The following HEATR5A variants were observed in gnomAD, a reference collection of about 807,000 sequenced individuals.
HEATR5A encodes HEAT repeat-containing protein 5A.
HEATR5A carries 178 observed loss-of-function variants against 218.8 expected under a neutral mutation model. That is an observed-to-expected ratio of 0.81 (90% CI 0.72 to 0.92). The LOEUF is 0.92. Among genes scored for constraint, HEATR5A ranks in the 40% least tolerant of loss-of-function variants. HEATR5A has a pLI of 0.00. For synonymous variants in HEATR5A, 864 were observed against 871.6 expected (o/e 0.99, Z 0.15); for missense variants, 2,420 against 2,418.9 (o/e 1.00, Z -0.01).
In HEATR5A at chr14:31,349,951, C is replaced by A; in HGVS notation, c.2546G>T (p.Gly849Val). ...GGCAAATCTTTTCATTTCTTCTGGA[C>A]CTAAACATCCCTTGGAGCCAGCCAC... The part of the protein sequence containing the change: ...KYVAGSKGCL[G>V]PEEMKRFALT... Residue 849 changes from glycine to valine, a missense_variant, in exon 18 of 36, where the codon GGT (glycine) becomes GTT (valine). Gly to Val is a moderately radical substitution (Grantham distance 109, BLOSUM62 -3). Coordinates refer to ENST00000543095, the MANE Select transcript of HEATR5A (RefSeq NM_015473.4). 6.3e-7 allele frequency: 1 copy of A among 1,593,676 alleles called. No homozygotes were observed. Among genetic ancestry groups the A allele is most frequent in the Non-Finnish European group, 8.6e-7 (1 of 1,169,502 alleles).
rs1281091388 is a variant in HEATR5A at position 31,362,711 on chromosome 14, G to A, written c.2071+1478C>T. Among the ~76,000 whole-genome samples the A allele has an allele frequency of 2.0e-5, 3 of 149,454 alleles. No homozygotes were observed. In the East Asian group the frequency reaches 5.9e-4, roughly 29 times the overall value. ...TGGGATGACTTGAGCCTGGGAGGTC[G>A]AGGCTGCAGTGAGCCATGATCACAC... On this transcript the variant is annotated intron_variant, in intron 14 of 35. Transcript: ENST00000543095.
rs532496394 is a variant in HEATR5A at position 31,339,025 on chromosome 14, C to A, written c.3229-1411G>T. 9.2e-5 allele frequency among the ~76,000 whole-genome samples: 14 copies of A among 151,610 alleles called. No individual in the cohort carries two copies. The South Asian group carries it at 1.9e-3, about 20-fold the overall frequency. ...ATCCCTGCTACTCGGGAGGCTGAGG[C>A]AGGAGAATTGCTTGAACTTGGGAGG... On this transcript the variant is annotated intron_variant, in intron 21 of 35. Coordinates refer to ENST00000543095, the MANE Select transcript of HEATR5A (RefSeq NM_015473.4).
chr14:31,327,477 A>G (rs1900309627), intron 22 of HEATR5A, among the ~76,000 whole-genome samples: 1 of 150,786 alleles, frequency 6.6e-6, no homozygotes, highest in Non-Finnish European at 1.5e-5. Flanking sequence ...TATTTTTAGT[A>G]GAGACGGGTT....
intron 28 of HEATR5A, 112 bp from the exon 29 acceptor site, chr14:31,309,294 T>C (rs1899658796): frequency 4.3e-6 from 5 of 1,168,680 alleles, no homozygotes; most frequent in Non-Finnish European, 6.0e-6. Flanking sequence ...CCTTGTACCC[T>C]TTTTCAGTCA....
intron 6 of HEATR5A, among the ~76,000 whole-genome samples, chr14:31,393,444 G>C (rs1311557452): frequency 6.6e-6 from 1 of 152,194 alleles, no homozygotes; most frequent in Non-Finnish European, 1.5e-5. Context: ...CCAGGAGGCA[G>C]AGGTTTCAGT....
intron 10 of HEATR5A, among the ~76,000 whole-genome samples, chr14:31,382,983 T>C (rs565838633): frequency 1.3e-5 from 2 of 151,880 alleles, no homozygotes; most frequent in Admixed American, 6.6e-5. Context: ...CATTGCTCCA[T>C]AGAGTCCTGA....
At chr14:31,390,300 G>A (rs866587063) in intron 6 of HEATR5A, among the ~76,000 whole-genome samples, 1 of 152,080 alleles carries the variant, frequency 6.6e-6, no homozygotes, top group Non-Finnish European at 1.5e-5. Context: ...GTGGAAGACC[G>A]TGAGCAGACG....
intron 24 of HEATR5A, 48 bp from the exon 25 acceptor site, chr14:31,321,728 CA>C: frequency 2.2e-6 from 3 of 1,388,400 alleles, no homozygotes; most frequent in Non-Finnish European, 2.9e-6. Flanking sequence ...TAGAAAATAT[CA>C]AAAAAATGTG....
chr14:31,293,243 G>T lies in HEATR5A; in HGVS notation c.*62C>A. ...CACTTGTGTCTACAATGTCCCTTTT[G>T]TCACCAAAGGCAATGATCAAGTATT... On this transcript the variant is annotated 3_prime_UTR_variant, in exon 36 of 36. Coordinates refer to ENST00000543095, the MANE Select transcript of HEATR5A (RefSeq NM_015473.4). 1 of 1,326,278 alleles carries T rather than the reference G, an allele frequency of 7.5e-7. No individual in the cohort carries two copies. The highest frequency in any genetic ancestry group is 1.0e-6 in the Non-Finnish European group (1 of 964,222). 82.2% of individuals were successfully genotyped at this position (1,326,278 alleles called of 1,614,324 possible).
intron 22 of HEATR5A, among the ~76,000 whole-genome samples, chr14:31,327,033 G>A (rs774738502): frequency 6.6e-6 from 1 of 151,550 alleles, no homozygotes; most frequent in Non-Finnish European, 1.5e-5. Context: ...GGAGTGAAGT[G>A]GTGCAATCTC....
chr14:31,381,465 T>C (rs551489613), intron 10 of HEATR5A, among the ~76,000 whole-genome samples: 3 of 147,212 alleles, frequency 2.0e-5, no homozygotes, highest in South Asian at 2.1e-4. Context: ...GGAGGACCAA[T>C]TGAGGCCAGA....
rs1469261647 is a variant in HEATR5A, at chr14:31,364,233, C to T, written c.2027G>A (p.Arg676Lys). ...TAATAAAATCAACAGTTCATAAAGT[C>T]TTTGTCTATAAACCACTGACGGTGT... ...LKTPSVVYRQRLYELLILLPP... is the reference protein window; with the variant it reads ...LKTPSVVYRQKLYELLILLPP... Residue 676 changes from arginine to lysine, a missense_variant, in exon 14 of 36, where the codon AGA becomes AAA. Physicochemically the swap from Arg to Lys is conservative, Grantham distance 26 (BLOSUM62 2). Coordinates refer to ENST00000543095, the MANE Select transcript of HEATR5A (RefSeq NM_015473.4). The T allele has an allele frequency of 6.4e-7, 1 of 1,555,488 alleles. No homozygotes were observed. The highest frequency in any genetic ancestry group is 8.7e-7 in the Non-Finnish European group (1 of 1,146,504).
intron 22 of HEATR5A, among the ~76,000 whole-genome samples, chr14:31,336,676 A>G (rs970963485): frequency 6.6e-6 from 1 of 152,226 alleles, no homozygotes; most frequent in African/African-American, 2.4e-5. Context: ...AGACGTATCT[A>G]TAATAAATTT....
intron 22 of HEATR5A, among the ~76,000 whole-genome samples, chr14:31,328,390 G>A (rs761567663): frequency 1.3e-5 from 2 of 152,214 alleles, no homozygotes; most frequent in Non-Finnish European, 2.9e-5. Context: ...AGTCATGACT[G>A]GATCTTAGAT....
chr14:31,344,972 T>A, intron 20 of HEATR5A, 115 bp downstream of exon 20: 1 of 817,206 alleles, frequency 1.2e-6, no homozygotes. Flanking sequence ...ATTTATACAT[T>A]CATTTAACAA....
chr14:31,302,788 C>T (rs534285516), intron 32 of HEATR5A: 53 of 359,266 alleles, frequency 1.5e-4, no homozygotes, highest in East Asian at 3.9e-4. Context: ...CTTTGGCAGT[C>T]GATAAATGAA....
intron 6 of HEATR5A, among the ~76,000 whole-genome samples, chr14:31,393,042 A>T (rs529986495): frequency 1.3e-5 from 2 of 152,264 alleles, no homozygotes; most frequent in South Asian, 4.1e-4. Flanking sequence ...AATACAATAA[A>T]CTACAAGTAT....
At chr14:31,303,303 C>A (rs367974072) in intron 32 of HEATR5A, among the ~76,000 whole-genome samples, 1 of 150,880 alleles carries the variant, frequency 6.6e-6, no homozygotes, top group African/African-American at 2.4e-5. Context: ...TGTGGTGGCA[C>A]GCGCCTGTAG....
rs764911427 is a variant in HEATR5A at position 31,315,897 on chromosome 14, C to T, written c.4091G>A (p.Arg1364Gln). 1.4e-4 allele frequency: 223 copies of T among 1,587,284 alleles called. No homozygotes were observed. The highest frequency in any genetic ancestry group is 1.7e-4 in the Non-Finnish European group (202 of 1,165,966). Residue 1364 changes from arginine (R) to glutamine (Q), a missense_variant, in exon 27 of 36, where the codon CGA becomes CAA. By Grantham distance (43) the Arg-to-Gln change is conservative (BLOSUM62 1). Coordinates refer to ENST00000543095, the MANE Select transcript of HEATR5A (RefSeq NM_015473.4). ...SGVVSDLNDL[R>Q]RVHQLLVSSL... ...TGAAACAAGCAACTGATGAACTCTTCGGAGATCATTAAGGTCACTTACAAC... is the reference window on the plus strand; with the variant it reads ...TGAAACAAGCAACTGATGAACTCTTTGGAGATCATTAAGGTCACTTACAAC...
Sources: gnomAD v4.1 joint callset for allele counts (sites outside exome capture counted in the v4.1 genomes callset) on GRCh38, gnomAD v4.1.1 for gene constraint, MANE v1.5 for transcripts, NCBI Gene and HGNC (gene_info 2026-07-23, HGNC 2026-07-21) for gene names.